The following CCDC68 variants were observed in gnomAD, a reference collection of about 807,000 sequenced individuals.
The protein encoded by CCDC68 is coiled-coil domain-containing protein 68.
A neutral mutation model predicts 47.1 loss-of-function variants in CCDC68; 45 were observed. The ratio of observed to expected loss-of-function variants is 0.96; its 90% CI spans 0.75 to 1.23. CCDC68 has a LOEUF of 1.23. Among genes scored for constraint, CCDC68 ranks in the 50% most tolerant of loss-of-function variants. CCDC68 has a pLI of 0.00. For synonymous variants in CCDC68, 131 were observed against 129.5 expected, an observed-to-expected ratio of 1.01 and a Z score of -0.08; for missense variants, 353 against 373.6, an observed-to-expected ratio of 0.94 and a Z score of 0.45.
At chr18:54,951,692 A>T (rs993003685) in intron 1 of CCDC68, among the ~76,000 whole-genome samples, 1 of 152,220 alleles carries the variant, frequency 6.6e-6, no homozygotes, top group East Asian at 1.9e-4. Flanking sequence ...GTCACCAAGT[A>T]ACAGTCACAG....
At chr18:54,904,458 A>T in intron 11 of CCDC68, 43 bp from the exon 12 acceptor site, 2 of 1,502,478 alleles carry the variant, frequency 1.3e-6, no homozygotes, top group East Asian at 4.5e-5. Flanking sequence ...AGAATGTTAA[A>T]CTCTAGTGAT....
intron 11 of CCDC68, among the ~76,000 whole-genome samples, chr18:54,905,352 TA>T (rs1859521071): frequency 1.6e-5 from 1 of 64,430 alleles, no homozygotes; most frequent in African/African-American, 6.8e-5. Flanking sequence ...GGAAGGAGGG[TA>T]GGGGAGGAAG....
chr18:54,916,208 G>A (rs367674663), intron 10 of CCDC68, among the ~76,000 whole-genome samples: 1 of 152,090 alleles, frequency 6.6e-6, no homozygotes, highest in Non-Finnish European at 1.5e-5. Flanking sequence ...ACAGAGCTGA[G>A]AGCAGTGTGT....
At chr18:54,942,894 T>C in intron 2 of CCDC68, 91 bp from the exon 3 acceptor site, 1 of 716,624 alleles carries the variant, frequency 1.4e-6, no homozygotes, top group Non-Finnish European at 2.5e-6. Context: ...GTTTTATCAC[T>C]ATAGTCAAAT....
intron 1 of CCDC68, among the ~76,000 whole-genome samples, chr18:54,951,199 C>A (rs72930953): frequency 6.6e-6 from 1 of 152,050 alleles, no homozygotes; most frequent in Non-Finnish European, 1.5e-5. Context: ...TGAGCCACCG[C>A]GCCCGGCCCA....
chr18:54,937,228 C>A, intron 5 of CCDC68: 1 of 362,886 alleles, frequency 2.8e-6, no homozygotes, highest in Non-Finnish European at 5.1e-6. Flanking sequence ...AGTGATAGTC[C>A]TCACTGTTCA....
At chr18:54,955,640 T>G (rs2044699868) in intron 1 of CCDC68, among the ~76,000 whole-genome samples, 1 of 152,194 alleles carries the variant, frequency 6.6e-6, no homozygotes, top group Admixed American at 6.5e-5. Context: ...GGAACTGCTA[T>G]TCCAGTTTCC....
chr18:54,920,236 C>CTTTTTTT (rs58528142), intron 8 of CCDC68, among the ~76,000 whole-genome samples: 2 of 135,236 alleles, frequency 1.5e-5, no homozygotes, highest in Non-Finnish European at 3.1e-5. Context: ...TTTCTTTTTT[C>CTTTTTTT]TTTTTTTTTT....
rs1448192840 is a variant in CCDC68 at position 54,945,374 on chromosome 18, T to A, written c.-13+14A>T. 1.3e-5 allele frequency: 2 copies of A among 152,206 alleles called. No homozygotes were observed. The highest frequency in any genetic ancestry group is 4.8e-5 in the African/African-American group (2 of 41,464). The allele number at this position is 152,206 out of a possible 1,614,324, so 9.4% of individuals were successfully genotyped here. On this transcript the variant is annotated intron_variant, in intron 2 of 11. Transcript: ENST00000591504. ...AGAAGCCAAGACTCCACTCCCATAG[T>A]AACATTAACTTACCCAAGACGAAGT...
chr18:54,908,793 C>A (rs562767630), intron 10 of CCDC68, among the ~76,000 whole-genome samples: 1 of 152,184 alleles, frequency 6.6e-6, no homozygotes, highest in African/African-American at 2.4e-5. Flanking sequence ...CTCACTTCAA[C>A]CTCCACCTCC....
chr18:54,934,416 T>C (rs1317906600), intron 7 of CCDC68, among the ~76,000 whole-genome samples: 1 of 152,206 alleles, frequency 6.6e-6, no homozygotes, highest in African/African-American at 2.4e-5. Context: ...TGGCCAAAAA[T>C]GGATACTGCA....
intron 1 of CCDC68, among the ~76,000 whole-genome samples, chr18:54,956,245 C>A (rs2044711871): frequency 1.3e-5 from 2 of 152,224 alleles, no homozygotes; most frequent in African/African-American, 4.8e-5. Flanking sequence ...AGCTCAGCCT[C>A]CCAAAATGCT....
chr18:54,916,702 G>A (rs2043958501), intron 10 of CCDC68, among the ~76,000 whole-genome samples: 1 of 152,162 alleles, frequency 6.6e-6, no homozygotes, highest in Non-Finnish European at 1.5e-5. Context: ...CTTCCTGCAA[G>A]GCAGGGGCAT....
chr18:54,906,790 G>T (rs1348603168), intron 11 of CCDC68, among the ~76,000 whole-genome samples: 4 of 152,184 alleles, frequency 2.6e-5, no homozygotes, highest in Admixed American at 2.6e-4. Context: ...AAGTTGCAGG[G>T]CTAGTGGCCA....
Position 54,938,044 on chromosome 18 carries a change from G to T in CCDC68, c.258C>A (p.Cys86Ter). The change falls in exon 5 of 12, where the codon TGC (cysteine) becomes TGA (stop). Residue 86 changes from cysteine (C) to a stop codon, truncating the protein, a stop_gained. Transcript: ENST00000591504. LOFTEE classifies it high-confidence loss of function. ...GSDSEMDPSC[C>*]SLDLLMKKIK... ...TCTTTTTCATAAGCAAATCCAAACTGCAACAAGAAGGATCCATTTCAGAAT... is the reference window on the plus strand; with the variant it reads ...TCTTTTTCATAAGCAAATCCAAACTTCAACAAGAAGGATCCATTTCAGAAT... 1.2e-6 allele frequency: 2 copies of T among 1,613,748 alleles called. No homozygotes were observed. Among genetic ancestry groups the T allele is most frequent in the Non-Finnish European group, 1.7e-6 (2 of 1,179,790 alleles).
At chr18:54,917,863 ACACACACT>A (rs1443413593) in intron 10 of CCDC68, 42 bp downstream of exon 10, 5 of 678,190 alleles carry the variant, frequency 7.4e-6, no homozygotes, top group Non-Finnish European at 9.9e-6. Context: ...ACACACACAC[ACACACACT>A]CACACCCTCA....
In CCDC68 at chr18:54,938,021, T is replaced by G. The variant is rs2044377113; in HGVS notation, c.281A>C (p.Lys94Thr). The G allele has an allele frequency of 6.2e-7, 1 of 1,613,498 alleles. No homozygotes were observed. The highest frequency in any genetic ancestry group is 1.1e-5 in the South Asian group (1 of 91,026). ...GAGCTGTAGGTCTTTTCCTTTTATC[T>G]TTTTCATAAGCAAATCCAAACTGCA... ...SCCSLDLLMK[K>T]IKGKDLQLLE... The change falls in exon 5 of 12, where the codon AAG (lysine) becomes ACG (threonine). Residue 94 changes from lysine (K) to threonine (T), a missense_variant. Lys to Thr is a moderately conservative substitution (Grantham distance 78). Transcript: ENST00000591504.
chr18:54,905,409 A>AGAAAGGAAGGAAGGAAGGAAGGAAG (rs1913937691), intron 11 of CCDC68, among the ~76,000 whole-genome samples: 1 of 107,722 alleles, frequency 9.3e-6, no homozygotes, highest in African/African-American at 3.9e-5. Flanking sequence ...AAGGAAGGGA[A>AGAAAGGAAGGAAGGAAGGAAGGAAG]GAAGGAAGGA....
chr18:54,917,533 G>A (rs553914510), intron 10 of CCDC68, among the ~76,000 whole-genome samples: 1 of 152,216 alleles, frequency 6.6e-6, no homozygotes, highest in Admixed American at 6.5e-5. Context: ...TAACAAAAAT[G>A]CTAATAATTT....
Sources: gnomAD v4.1 joint callset for allele counts (sites outside exome capture counted in the v4.1 genomes callset) on GRCh38, gnomAD v4.1.1 for gene constraint, MANE v1.5 for transcripts, NCBI Gene and HGNC (gene_info 2026-07-23, HGNC 2026-07-21) for gene names.